Variants in DIAPH3 observed in about 807,000 individuals in gnomAD.
The protein encoded by DIAPH3 is diaphanous related formin 3.
Under a neutral mutation model 144.3 loss-of-function variants are expected in DIAPH3, and 117 were observed. The observed-to-expected ratio is 0.81, with a 90% confidence interval of 0.70 to 0.95. DIAPH3 has a LOEUF of 0.95. DIAPH3 is among the 40% of genes least tolerant of loss of function. DIAPH3 has a pLI of 0.00. For synonymous variants in DIAPH3, 519 were observed against 488.9 expected, an observed-to-expected ratio of 1.06 and a Z score of -0.81; for missense variants, 1,421 against 1,412.7, an observed-to-expected ratio of 1.01 and a Z score of -0.09.
intron 20 of DIAPH3, among the ~76,000 whole-genome samples, chr13:59,892,942 A>T (rs1197608475): frequency 6.6e-6 from 1 of 152,140 alleles, no homozygotes; most frequent in African/African-American, 2.4e-5. Context: ...TCACTAATCA[A>T]AATAAAGCTG....
intron 19 of DIAPH3, 85 bp from the exon 20 acceptor site, chr13:59,911,921 A>C: frequency 9.2e-7 from 1 of 1,082,924 alleles, no homozygotes; most frequent in Non-Finnish European, 1.4e-6. Flanking sequence ...ACTGAAAGAA[A>C]ACCAGTGAAG....
chr13:60,012,864 G>A (rs899030951), intron 7 of DIAPH3: 4 of 345,870 alleles, frequency 1.2e-5, no homozygotes, highest in African/African-American at 4.5e-5. Flanking sequence ...CACAGGTAAC[G>A]TTCTCTGATT....
intron 5 of DIAPH3, among the ~76,000 whole-genome samples, chr13:60,041,674 AAC>A (rs141994639): frequency 6.6e-6 from 1 of 151,572 alleles, no homozygotes; most frequent in Non-Finnish European, 1.5e-5. Flanking sequence ...TAGCCTTCAG[AAC>A]ACACACACAC....
intron 18 of DIAPH3, among the ~76,000 whole-genome samples, chr13:59,922,446 T>C (rs1396548909): frequency 1.3e-5 from 2 of 152,074 alleles, no homozygotes. Flanking sequence ...AGTTCTAATC[T>C]AGTACATACC....
chr13:59,863,526 G>A (rs894814567), intron 21 of DIAPH3, among the ~76,000 whole-genome samples: 7 of 152,004 alleles, frequency 4.6e-5, no homozygotes, highest in Non-Finnish European at 7.4e-5. Flanking sequence ...GGAGATTTCC[G>A]TACCATCAGA....
chr13:59,992,376 A>G (rs2051881834), intron 10 of DIAPH3, 97 bp downstream of exon 10: 1 of 1,169,928 alleles, frequency 8.5e-7, no homozygotes, highest in East Asian at 2.6e-5. Context: ...GCCTTTTCCC[A>G]CAGATAAATT....
Position 60,010,682 on chromosome 13 carries a change from G to A in DIAPH3, c.772-13C>T. The A allele has an allele frequency of 6.2e-7, 1 of 1,611,416 alleles. No individual in the cohort carries two copies. The highest frequency in any genetic ancestry group is 1.1e-5 in the South Asian group (1 of 90,636). On this transcript the variant is annotated splice_polypyrimidine_tract_variant and intron_variant, in intron 7 of 27. Coordinates refer to ENST00000400324, the MANE Select transcript of DIAPH3 (RefSeq NM_001042517.2). Reference sequence around the variant, plus strand: ...TTTCCAAGCCATACTATAATATTTTGAAAATAAGAGGTCAAATGTTAGAAA... The same window carrying A: ...TTTCCAAGCCATACTATAATATTTTAAAAATAAGAGGTCAAATGTTAGAAA...
intron 27 of DIAPH3, among the ~76,000 whole-genome samples, chr13:59,710,570 G>A (rs1287642937): frequency 2.0e-5 from 3 of 152,188 alleles, no homozygotes; most frequent in African/African-American, 4.8e-5. Context: ...GTTAAAAATG[G>A]CTCTGGCAAC....
rs2050350541 is a variant in DIAPH3 at position 59,971,154 on chromosome 13, C to T, written c.1657G>A (p.Ala553Thr). The change falls in exon 16 of 28, where the codon GCC becomes ACC. Residue 553 changes from alanine to threonine, a missense_variant. Coordinates refer to ENST00000400324, the MANE Select transcript of DIAPH3 (RefSeq NM_001042517.2). ...GGAATATTACAATCAGCTGGCAAGG[C>T]ACCAAACTGGAGAAAAAAACAATAA... ...ELQAFKSQFG[A>T]LPADCNIPLP... is the part of the protein sequence containing the mutation. 1.3e-6 allele frequency: 2 copies of T among 1,574,370 alleles called. No homozygotes were observed. Among genetic ancestry groups the T allele is most frequent in the East Asian group, 2.3e-5 (1 of 43,218 alleles).
chr13:59,829,199 T>G (rs562645496), intron 24 of DIAPH3, among the ~76,000 whole-genome samples: 1 of 152,000 alleles, frequency 6.6e-6, no homozygotes, highest in Non-Finnish European at 1.5e-5. Context: ...CTTTAACTAC[T>G]TAAGTTTAAA....
At chr13:60,069,735 C>A (rs758495402) in intron 4 of DIAPH3, among the ~76,000 whole-genome samples, 1 of 152,098 alleles carries the variant, frequency 6.6e-6, no homozygotes, top group Non-Finnish European at 1.5e-5. Flanking sequence ...AATAGGGAGT[C>A]CTTTCCCTAC....
intron 4 of DIAPH3, among the ~76,000 whole-genome samples, chr13:60,064,262 T>C (rs551334984): frequency 1.3e-5 from 2 of 152,214 alleles, no homozygotes; most frequent in Non-Finnish European, 2.9e-5. Flanking sequence ...TTTTGAAGCA[T>C]TAAAGAAAGA....
At chr13:59,708,882 G>C (rs967688202) in intron 27 of DIAPH3, among the ~76,000 whole-genome samples, 2 of 151,876 alleles carry the variant, frequency 1.3e-5, no homozygotes, top group African/African-American at 4.8e-5. Context: ...ATTTTAAAAA[G>C]ACCTTATAGA....
At chr13:59,672,080 A>T (rs1004340584) in intron 27 of DIAPH3, among the ~76,000 whole-genome samples, 4 of 152,222 alleles carry the variant, frequency 2.6e-5, no homozygotes, top group African/African-American at 9.6e-5. Context: ...AATATATGCA[A>T]CTTGGCATCT....
chr13:60,110,075 T>C (rs1269794366), intron 3 of DIAPH3, among the ~76,000 whole-genome samples: 6 of 152,222 alleles, frequency 3.9e-5, no homozygotes, highest in African/African-American at 7.2e-5. Context: ...TTGAAGTTAT[T>C]ACACTGTACT....
chr13:60,126,557 A>G (rs993693862), intron 2 of DIAPH3, among the ~76,000 whole-genome samples: 1 of 152,190 alleles, frequency 6.6e-6, no homozygotes, highest in African/African-American at 2.4e-5. Context: ...TAGAACACAC[A>G]GAAAATTAAC....
At chr13:60,048,637 T>C (rs1241557885) in intron 4 of DIAPH3, among the ~76,000 whole-genome samples, 1 of 135,912 alleles carries the variant, frequency 7.4e-6, no homozygotes, top group Non-Finnish European at 1.6e-5. Context: ...TAAATATACA[T>C]TGCCCATATT....
chr13:59,723,504 C>G lies in DIAPH3; in HGVS notation c.3319+50685G>C, dbSNP rs570124287. The stretch of plus-strand genomic sequence containing the variant: ...GTGTGCGTGTGTGGTCTTTCCCCAC[C>G]AATCTATAGCTCACTTGAAGTATTC... On this transcript the variant is annotated intron_variant, in intron 27 of 27. Coordinates refer to ENST00000400324, the MANE Select transcript of DIAPH3 (RefSeq NM_001042517.2). 7.2e-5 allele frequency among the ~76,000 whole-genome samples: 11 copies of G among 152,126 alleles called. No homozygotes were observed. The South Asian group carries it at 2.1e-3, about 29-fold the overall frequency.
rs527808646 is a variant in DIAPH3, at chr13:59,984,246, T to G, written c.1362-359A>C. 3.3e-5 allele frequency among the ~76,000 whole-genome samples: 5 copies of G among 151,804 alleles called. No homozygotes were observed. The East Asian group carries it at 7.8e-4, about 24-fold the overall frequency. On this transcript the variant is annotated intron_variant, in intron 12 of 27. Transcript: ENST00000400324. ...TGTACCACACTGAAATAGCTATCATTAATTCACTTCATTAATACAACCAAA... is the reference window on the plus strand; with the variant it reads ...TGTACCACACTGAAATAGCTATCATGAATTCACTTCATTAATACAACCAAA...
Sources: gnomAD v4.1 joint callset for allele counts (sites outside exome capture counted in the v4.1 genomes callset) on GRCh38, gnomAD v4.1.1 for gene constraint, MANE v1.5 for transcripts, NCBI Gene and HGNC (gene_info 2026-07-23, HGNC 2026-07-21) for gene names.